Variants in COL11A1 observed in about 807,000 individuals in gnomAD.
COL11A1 encodes collagen alpha-1(XI) chain.
In COL11A1, 74 loss-of-function variants were observed where a neutral mutation model predicts 265.2. That is an observed-to-expected ratio of 0.28 (90% CI 0.23 to 0.34). The LOEUF (loss-of-function observed/expected upper bound fraction) is 0.34. Among genes scored for constraint, COL11A1 ranks in the 10% least tolerant of loss-of-function variants. The pLI is 1.00. For synonymous variants in COL11A1, 816 were observed against 727.6 expected (o/e 1.12, Z -1.96); for missense variants, 2,165 against 2,263.6 (o/e 0.96, Z 0.88).
chr1:103,004,806 G>C (rs1039984447), intron 18 of COL11A1, 145 bp from the exon 19 acceptor site: 1 of 620,498 alleles, frequency 1.6e-6, no homozygotes, highest in Non-Finnish European at 2.8e-6. Flanking sequence ...AAATTTTGCA[G>C]ATAAATCATA....
chr1:103,056,263 T>C (rs1488714753), intron 4 of COL11A1, among the ~76,000 whole-genome samples: 2 of 152,148 alleles, frequency 1.3e-5, no homozygotes, highest in African/African-American at 2.4e-5. Context: ...GCCTAATTTT[T>C]GTATGAACCA....
chr1:102,909,406 T>C (rs1654380676), intron 54 of COL11A1, among the ~76,000 whole-genome samples: 1 of 152,184 alleles, frequency 6.6e-6, no homozygotes, highest in Non-Finnish European at 1.5e-5. Flanking sequence ...CTCTTTTCTT[T>C]ATAAATTACC....
chr1:102,931,373 G>C (rs562026958), intron 46 of COL11A1, among the ~76,000 whole-genome samples: 6 of 147,534 alleles, frequency 4.1e-5, no homozygotes, highest in African/African-American at 1.5e-4. Flanking sequence ...TCAGGAGCAG[G>C]TTGTTCAGTT....
chr1:102,887,670 G>C (rs1305730522), intron 62 of COL11A1, among the ~76,000 whole-genome samples: 1 of 152,108 alleles, frequency 6.6e-6, no homozygotes, highest in Non-Finnish European at 1.5e-5. Context: ...AATTTGTAAT[G>C]TTGAAGTCCT....
At chr1:103,006,561 G>T (rs1665641263) in intron 15 of COL11A1, among the ~76,000 whole-genome samples, 1 of 63,202 alleles carries the variant, frequency 1.6e-5, no homozygotes, top group African/African-American at 4.7e-5. Context: ...TTTTTGAGAC[G>T]GAGTCTAGCT....
At chr1:102,966,559 C>T (rs1161190946) in intron 37 of COL11A1, among the ~76,000 whole-genome samples, 1 of 152,094 alleles carries the variant, frequency 6.6e-6, no homozygotes, top group Non-Finnish European at 1.5e-5. Context: ...TTTCAGGGTT[C>T]TATTTGAGCT....
chr1:102,951,406 T>A lies in COL11A1; in HGVS notation c.3169-4450A>T, dbSNP rs112509811. Among the ~76,000 whole-genome samples, 827 of 152,316 alleles carry A rather than the reference T, an allele frequency of 5.4e-3. 8 individuals are homozygous for A. Among genetic ancestry groups the A allele is most frequent in the Non-Finnish European group, 7.5e-3 (511 of 68,026 alleles). Reference sequence around the variant, plus strand: ...CAAACATGTTGAACATGTTAAAAATTTAGGCGTCACGCCGGGAGTGGTGGC... The same window carrying A: ...CAAACATGTTGAACATGTTAAAAATATAGGCGTCACGCCGGGAGTGGTGGC... On this transcript the variant is annotated intron_variant, in intron 41 of 66. Transcript: ENST00000370096.
At chr1:102,984,096 T>G in intron 31 of COL11A1, 42 bp downstream of exon 31, 1 of 1,345,022 alleles carries the variant, frequency 7.4e-7, no homozygotes. Context: ...TAATATTATC[T>G]TCACGAAATG....
intron 57 of COL11A1, among the ~76,000 whole-genome samples, chr1:102,895,229 G>T (rs1284949023): frequency 2.0e-5 from 3 of 152,098 alleles, no homozygotes; most frequent in Admixed American, 6.6e-5. Context: ...CTACCCCAAA[G>T]AATTTCATAT....
intron 24 of COL11A1, chr1:103,001,456 T>A: frequency 4.8e-6 from 2 of 413,964 alleles, no homozygotes; most frequent in South Asian, 1.0e-4. Flanking sequence ...TATAGATTTA[T>A]TCTTGTTTTG....
At position 102,962,175 on chromosome 1, in the gene COL11A1, C is replaced by T. The variant is rs756682598; in HGVS notation, c.3114+1G>A. ...TTTATCTATATAGATATTGATTATA[C>T]CTGAGCTCCAGGAAGACCTCTTTCC... On this transcript the variant is annotated splice_donor_variant, in intron 40 of 66. Transcript: ENST00000370096. LOFTEE classifies it high-confidence loss of function. 1 of 1,608,074 alleles carries T rather than the reference C, an allele frequency of 6.2e-7. No homozygotes were observed. Among genetic ancestry groups the T allele is most frequent in the Non-Finnish European group, 8.5e-7 (1 of 1,174,706 alleles).
rs766482542 is a variant in COL11A1 at position 103,002,797 on chromosome 1, A to G, written c.1999-6T>C. 6.2e-7 allele frequency: 1 copy of G among 1,612,762 alleles called. No individual in the cohort carries two copies. Among genetic ancestry groups the G allele is most frequent in the Non-Finnish European group, 8.5e-7 (1 of 1,178,832 alleles). On this transcript the variant is annotated splice_region_variant and splice_polypyrimidine_tract_variant and intron_variant, in intron 21 of 66. Coordinates refer to ENST00000370096, the MANE Select transcript of COL11A1 (RefSeq NM_001854.4). ...CCATCTACACCTGCCATACCCTGCA[A>G]TGAAGAAAAAGTATTTATGGTTGTT...
intron 15 of COL11A1, among the ~76,000 whole-genome samples, chr1:103,006,817 C>T (rs573628872): frequency 2.0e-5 from 3 of 151,986 alleles, no homozygotes; most frequent in African/African-American, 7.2e-5. Context: ...CGTGAGCCAC[C>T]GCGCCCGGCC....
chr1:103,018,700 G>A, intron 10 of COL11A1, 118 bp downstream of exon 10: 1 of 823,224 alleles, frequency 1.2e-6, no homozygotes. Flanking sequence ...CTGAACAAAT[G>A]TTTTTCTCTA....
intron 4 of COL11A1, among the ~76,000 whole-genome samples, chr1:103,046,843 C>A (rs1669313698): frequency 1.3e-5 from 2 of 151,804 alleles, no homozygotes; most frequent in South Asian, 4.2e-4. Flanking sequence ...GTTTTCCCAG[C>A]ACCATTTATT....
chr1:103,046,941 C>G (rs1051815906), intron 4 of COL11A1, among the ~76,000 whole-genome samples: 1 of 152,082 alleles, frequency 6.6e-6, no homozygotes, highest in South Asian at 2.1e-4. Flanking sequence ...TTTCTGAGGG[C>G]TCTGTTCTGT....
Position 103,039,632 on chromosome 1 carries a change from C to A in COL11A1, c.652-8388G>T, listed in dbSNP as rs373682767. Among the ~76,000 whole-genome samples the A allele has an allele frequency of 1.1e-4, 16 of 152,202 alleles. No homozygotes were observed. The East Asian group carries it at 2.9e-3, about 28-fold the overall frequency. On this transcript the variant is annotated intron_variant, in intron 4 of 66. Transcript: ENST00000370096. Reference sequence around the variant, plus strand: ...ACTCTGTCAACACCTGGATCTTGGACTGGTAGCCTCCAGAACTTTGAAAAA... The same window carrying A: ...ACTCTGTCAACACCTGGATCTTGGAATGGTAGCCTCCAGAACTTTGAAAAA...
At chr1:103,050,900 A>C (rs4400632) in intron 4 of COL11A1, among the ~76,000 whole-genome samples, 1 of 152,200 alleles carries the variant, frequency 6.6e-6, no homozygotes, top group Admixed American at 6.5e-5. Context: ...TCAGCAGCAG[A>C]GGCTGCAGAA....
chr1:103,052,065 T>A (rs956009141), intron 4 of COL11A1, among the ~76,000 whole-genome samples: 1 of 152,126 alleles, frequency 6.6e-6, no homozygotes, highest in African/African-American at 2.4e-5. Context: ...ACCTCTCATA[T>A]CCTAACAGTC....
Sources: allele counts gnomAD v4.1 joint callset (sites outside exome capture counted in the v4.1 genomes callset), GRCh38; gene constraint gnomAD v4.1.1; transcripts MANE v1.5; gene names NCBI Gene and HGNC (gene_info 2026-07-23, HGNC 2026-07-21).